The following HMCN1 variants were observed in gnomAD, a reference collection of about 807,000 sequenced individuals.
HMCN1 encodes hemicentin-1.
In HMCN1, 321 loss-of-function variants were observed where a neutral mutation model predicts 625.9. The ratio of observed to expected loss-of-function variants is 0.51; its 90% CI spans 0.47 to 0.56. HMCN1 has a LOEUF of 0.56. Among genes scored for constraint, HMCN1 ranks in the 20% least tolerant of loss-of-function variants. The pLI, the probability that HMCN1 is intolerant of heterozygous loss-of-function variation, is 0.00. For synonymous variants in HMCN1, 2,425 were observed against 2,417.6 expected, an observed-to-expected ratio of 1.00 and a Z score of -0.09; for missense variants, 6,588 against 6,887.3, an observed-to-expected ratio of 0.96 and a Z score of 1.54.
chr1:186,164,588 G>A (rs1324805603), intron 97 of HMCN1, among the ~76,000 whole-genome samples: 1 of 152,058 alleles, frequency 6.6e-6, no homozygotes. Context: ...CCCTTATTTT[G>A]ACTAGATGAA....
chr1:185,787,503 G>C (rs907251642), intron 1 of HMCN1, among the ~76,000 whole-genome samples: 4 of 152,184 alleles, frequency 2.6e-5, no homozygotes, highest in Non-Finnish European at 5.9e-5. Flanking sequence ...CCTGTTGTCT[G>C]AGAGCTAACA....
chr1:186,020,417 T>A (rs1654647271), intron 35 of HMCN1, among the ~76,000 whole-genome samples: 1 of 152,042 alleles, frequency 6.6e-6, no homozygotes, highest in Non-Finnish European at 1.5e-5. Context: ...CCTTTTTTAG[T>A]AGACGTGGTG....
intron 1 of HMCN1, among the ~76,000 whole-genome samples, chr1:185,816,574 T>C (rs1659857360): frequency 6.6e-6 from 1 of 152,210 alleles, no homozygotes; most frequent in African/African-American, 2.4e-5. Context: ...TAATGTCAGC[T>C]GTATCTGATT....
intron 1 of HMCN1, among the ~76,000 whole-genome samples, chr1:185,762,897 A>G (rs1466096838): frequency 1.3e-5 from 2 of 152,140 alleles, no homozygotes; most frequent in East Asian, 3.9e-4. Context: ...GTCCAATGCT[A>G]TTGTCCATGT....
At chr1:185,936,360 A>G (rs923784349) in intron 11 of HMCN1, among the ~76,000 whole-genome samples, 1 of 152,054 alleles carries the variant, frequency 6.6e-6, no homozygotes, top group Non-Finnish European at 1.5e-5. Flanking sequence ...CAAAAATCCT[A>G]GGAGGAATTT....
intron 10 of HMCN1, among the ~76,000 whole-genome samples, chr1:185,929,074 T>C (rs1006897284): frequency 6.6e-6 from 1 of 152,088 alleles, no homozygotes; most frequent in Admixed American, 6.6e-5. Flanking sequence ...TTTGAAATGA[T>C]CATATAGCAT....
intron 1 of HMCN1, among the ~76,000 whole-genome samples, chr1:185,739,623 T>C (rs1653837329): frequency 6.6e-6 from 1 of 152,220 alleles, no homozygotes; most frequent in African/African-American, 2.4e-5. Context: ...TGAGTCTCCA[T>C]GCATTCATTC....
At chr1:186,106,845 CAT>C in intron 69 of HMCN1, 37 bp from the exon 70 acceptor site, 1 of 1,312,674 alleles carries the variant, frequency 7.6e-7, no homozygotes, top group Non-Finnish European at 1.1e-6. Context: ...CAAAAGCTAA[CAT>C]GTTAACATTA....
intron 1 of HMCN1, among the ~76,000 whole-genome samples, chr1:185,794,397 A>G (rs1412509747): frequency 6.6e-6 from 1 of 151,558 alleles, no homozygotes; most frequent in Non-Finnish European, 1.5e-5. Context: ...ATACAATCAC[A>G]AGATCTCACA....
Position 186,153,773 on chromosome 1 carries a change from A to G in HMCN1, c.15042A>G (p.Gln5014=), listed in dbSNP as rs763252112. ...AGGATTACACAGAGGACTACATTCA[A>G]ACAGGTCCTGGGCAGCTGTACGCCT... The part of the protein sequence containing the change: ...TVKDYTEDYI[Q]TGPGQLYAYS... Residue 5014 remains glutamine (Q), a synonymous_variant, in exon 97 of 107, where the codon CAA becomes CAG. Transcript: ENST00000271588. 23 of 1,613,928 alleles carry G rather than the reference A, an allele frequency of 1.4e-5. No homozygotes were observed. The highest frequency in any genetic ancestry group is 1.9e-5 in the Non-Finnish European group (22 of 1,179,968).
chr1:185,831,501 A>G (rs1014640140), intron 1 of HMCN1, among the ~76,000 whole-genome samples: 2 of 152,158 alleles, frequency 1.3e-5, no homozygotes, highest in Non-Finnish European at 2.9e-5. Context: ...TAATTCCACT[A>G]TCATTACATT....
rs189891789 is a variant in HMCN1, at chr1:186,089,996, A to G, written c.9728-762A>G. Among the ~76,000 whole-genome samples, 542 of 152,024 alleles carry G rather than the reference A, an allele frequency of 3.6e-3. 3 individuals carry two copies. The highest frequency in any genetic ancestry group is 6.8e-3 in the Middle Eastern group (2 of 294). On this transcript the variant is annotated intron_variant, in intron 63 of 106. Coordinates refer to ENST00000271588, the MANE Select transcript of HMCN1 (RefSeq NM_031935.3). ...GGTGTAAATATTCCCACCATGATCT[A>G]ATATATACAAGATTTCAACCTACCA... is the stretch of plus-strand genomic sequence containing the variant.
chr1:185,925,014 GT>G (rs1484607276), intron 8 of HMCN1, 32 bp from the exon 9 acceptor site: 2 of 1,560,838 alleles, frequency 1.3e-6, no homozygotes, highest in East Asian at 4.8e-5. Flanking sequence ...TCTTGCTTAA[GT>G]TTTTTGTTTT....
intron 80 of HMCN1, 127 bp from the exon 81 acceptor site, chr1:186,122,824 C>CT (rs1661458676): frequency 1.0e-6 from 1 of 1,003,782 alleles, no homozygotes; most frequent in South Asian, 1.5e-5. Context: ...TGCTCCTTTT[C>CT]TAATGATATG....
intron 93 of HMCN1, among the ~76,000 whole-genome samples, chr1:186,149,038 T>C (rs1185257846): frequency 6.6e-6 from 1 of 152,160 alleles, no homozygotes; most frequent in Non-Finnish European, 1.5e-5. Context: ...CCAGGCTTTG[T>C]TGTTTCATTT....
intron 15 of HMCN1, among the ~76,000 whole-genome samples, chr1:185,972,390 G>A (rs1373672234): frequency 1.3e-5 from 2 of 152,162 alleles, no homozygotes; most frequent in African/African-American, 4.8e-5. Context: ...CACACTATCT[G>A]TGTTGGGGTG....
intron 50 of HMCN1, 29 bp from the exon 51 acceptor site, chr1:186,069,634 A>T: frequency 7.0e-7 from 1 of 1,432,938 alleles, no homozygotes; most frequent in Non-Finnish European, 9.8e-7. Context: ...GTGATTTTAG[A>T]GACTCTTTGA....
At chr1:185,942,110 A>G (rs1251097448) in intron 11 of HMCN1, among the ~76,000 whole-genome samples, 2 of 150,614 alleles carry the variant, frequency 1.3e-5, no homozygotes, top group African/African-American at 4.9e-5. Flanking sequence ...AGAATCACTT[A>G]CACCCGGGAG....
At chr1:185,763,967 G>A (rs1002975538) in intron 1 of HMCN1, among the ~76,000 whole-genome samples, 7 of 152,134 alleles carry the variant, frequency 4.6e-5, no homozygotes, top group African/African-American at 1.2e-4. Context: ...GTCAAAAAGA[G>A]AAAATATGTT....
Sources: allele counts gnomAD v4.1 joint callset (sites outside exome capture counted in the v4.1 genomes callset), GRCh38; gene constraint gnomAD v4.1.1; transcripts MANE v1.5; gene names NCBI Gene and HGNC (gene_info 2026-07-23, HGNC 2026-07-21).